RELN: variants seen among roughly 807,000 people sequenced by gnomAD.
RELN encodes the protein reelin.
RELN carries 108 observed loss-of-function variants against 427.6 expected under a neutral mutation model. The ratio of observed to expected loss-of-function variants is 0.25; its 90% confidence interval spans 0.22 to 0.30. The LOEUF is 0.30. Ranked by LOEUF, RELN falls within the 10% of genes least tolerant of loss-of-function variation. The pLI is 1.00. For synonymous variants in RELN, 1,524 were observed against 1,513.4 expected (o/e 1.01, Z -0.16); for missense variants, 3,715 against 4,302.8 (o/e 0.86, Z 3.82).
chr7:103,888,516 C>T (rs1161136478), intron 2 of RELN, among the ~76,000 whole-genome samples: 2 of 152,178 alleles, frequency 1.3e-5, no homozygotes, highest in African/African-American at 2.4e-5. Flanking sequence ...ACTTTTGGCA[C>T]CACCTAATCC....
intron 6 of RELN, among the ~76,000 whole-genome samples, chr7:103,746,276 T>C (rs1347286964): frequency 1.3e-5 from 2 of 152,276 alleles, no homozygotes; most frequent in East Asian, 3.9e-4. Flanking sequence ...TCAAGATGGA[T>C]TAAAGACTTA....
intron 28 of RELN, among the ~76,000 whole-genome samples, chr7:103,587,524 G>C (rs566422778): frequency 1.1e-4 from 17 of 152,162 alleles, no homozygotes; most frequent in Non-Finnish European, 2.1e-4. Context: ...AAACAGACAA[G>C]TGAGACTCTG....
At position 103,484,137 on chromosome 7, in the gene RELN, C is replaced by T. The variant is rs188102018; in HGVS notation, c.9984-287G>A. The T allele has an allele frequency of 7.4e-4, 305 of 413,352 alleles. 1 individual carries two copies. Among genetic ancestry groups the T allele is most frequent in the African/African-American group, 5.6e-3 (275 of 49,494 alleles). 25.6% of individuals were successfully genotyped at this position (413,352 alleles called of 1,614,324 possible). A position where few individuals can be genotyped will look rare whatever the true frequency, so the allele number is the denominator to read the frequency against. On this transcript the variant is annotated intron_variant, in intron 61 of 64. Transcript: ENST00000428762. ...TCAGGTGATCCACCCACCTCGGCCT[C>T]CCAAAGTGCTGGGATTACAGGTGTA...
At chr7:103,870,666 C>G (rs1794309424) in intron 2 of RELN, among the ~76,000 whole-genome samples, 1 of 152,096 alleles carries the variant, frequency 6.6e-6, no homozygotes, top group Non-Finnish European at 1.5e-5. Context: ...CTAACCTAAT[C>G]TTTTCACTTT....
chr7:103,688,752 G>A (rs1204177148), intron 10 of RELN, among the ~76,000 whole-genome samples: 1 of 152,050 alleles, frequency 6.6e-6, no homozygotes, highest in Non-Finnish European at 1.5e-5. Flanking sequence ...GACTTGCCTA[G>A]TGTCCACTGG....
chr7:103,912,285 C>T (rs1478044786), intron 2 of RELN, among the ~76,000 whole-genome samples: 4 of 149,996 alleles, frequency 2.7e-5, no homozygotes, highest in Non-Finnish European at 5.9e-5. Flanking sequence ...AAACCTCCAC[C>T]TCCCGGGTCA....
intron 24 of RELN, among the ~76,000 whole-genome samples, chr7:103,601,815 AT>A (rs1831675850): frequency 6.6e-6 from 1 of 152,198 alleles, no homozygotes; most frequent in Admixed American, 6.5e-5. Flanking sequence ...AGGTTGAGGT[AT>A]TCCAAGAGCA....
chr7:103,815,078 T>C (rs1461171731), intron 3 of RELN, among the ~76,000 whole-genome samples: 3 of 152,226 alleles, frequency 2.0e-5, no homozygotes, highest in Non-Finnish European at 2.9e-5. Context: ...CTTTCAGCTG[T>C]CCAACTGTTA....
At chr7:103,972,549 G>A (rs959218423) in intron 1 of RELN, among the ~76,000 whole-genome samples, 1 of 152,164 alleles carries the variant, frequency 6.6e-6, no homozygotes, top group Non-Finnish European at 1.5e-5. Context: ...ATGGAATGCA[G>A]ATGAAGTATG....
chr7:103,702,313 G>C (rs1010810831), intron 8 of RELN, among the ~76,000 whole-genome samples: 1 of 152,176 alleles, frequency 6.6e-6, no homozygotes, highest in African/African-American at 2.4e-5. Context: ...GATTTAGAAG[G>C]AAAGTTCAAA....
At chr7:103,649,962 C>T (rs1832878723) in intron 16 of RELN, among the ~76,000 whole-genome samples, 1 of 151,924 alleles carries the variant, frequency 6.6e-6, no homozygotes, top group African/African-American at 2.4e-5. Context: ...TTTTATACAA[C>T]ATTCAAAGAA....
Position 103,741,986 on chromosome 7 carries a change from C to T in RELN, c.656+7440G>A, listed in dbSNP as rs118114155. 7.6e-4 allele frequency among the ~76,000 whole-genome samples: 115 copies of T among 152,254 alleles called. No homozygotes were observed. The South Asian group carries it at 0.012, about 16-fold the overall frequency. ...CTGACTCCTCAAGTGGGTCCCTCAC[C>T]ACCGAGGAGCCTAACTGGGAGGCAC... On this transcript the variant is annotated intron_variant, in intron 6 of 64. Coordinates refer to ENST00000428762, the MANE Select transcript of RELN (RefSeq NM_005045.4).
Position 103,758,086 on chromosome 7 carries a change from A to T in RELN, c.545-4872T>A, listed in dbSNP as rs76756916. On this transcript the variant is annotated intron_variant, in intron 4 of 64. Coordinates refer to ENST00000428762, the MANE Select transcript of RELN (RefSeq NM_005045.4). Reference sequence around the variant, plus strand: ...AATTCTGTTAAGAGTTCCCTGTTAGAAAGTGCATGTGAATGTATTTGTGTT... The same window carrying T: ...AATTCTGTTAAGAGTTCCCTGTTAGTAAGTGCATGTGAATGTATTTGTGTT... Among the ~76,000 whole-genome samples the T allele has an allele frequency of 1.6e-4, 25 of 152,314 alleles. No homozygotes were observed. The East Asian group carries it at 4.2e-3, about 26-fold the overall frequency.
intron 3 of RELN, among the ~76,000 whole-genome samples, chr7:103,799,006 G>C: frequency 6.6e-6 from 1 of 152,120 alleles, no homozygotes; most frequent in East Asian, 1.9e-4. Flanking sequence ...AGTTTCTCAA[G>C]CACTGGTTTC....
chr7:103,492,083 T>A, intron 57 of RELN, 57 bp from the exon 58 acceptor site: 1 of 1,332,408 alleles, frequency 7.5e-7, no homozygotes, highest in Non-Finnish European at 1.1e-6. Flanking sequence ...CTGAATTCCA[T>A]TAATTAAAAT....
chr7:103,491,841 CT>C, intron 58 of RELN, 111 bp downstream of exon 58: 1 of 623,122 alleles, frequency 1.6e-6, no homozygotes, highest in African/African-American at 2.5e-5. Context: ...CTCTCTCTCT[CT>C]CTCTCTCTCT....
chr7:103,490,540 A>G, intron 59 of RELN, 128 bp downstream of exon 59: 1 of 975,306 alleles, frequency 1.0e-6, no homozygotes, highest in South Asian at 1.3e-5. Flanking sequence ...AAAGGAGGGA[A>G]GATGGGAGAG....
chr7:103,763,073 T>C (rs560796944), intron 4 of RELN, among the ~76,000 whole-genome samples: 29 of 152,334 alleles, frequency 1.9e-4, no homozygotes, highest in African/African-American at 4.8e-4. Context: ...ACAGACTGTA[T>C]AGAAGTTTCT....
chr7:103,845,476 C>T (rs753376759), intron 2 of RELN, among the ~76,000 whole-genome samples: 4 of 152,190 alleles, frequency 2.6e-5, no homozygotes, highest in Non-Finnish European at 5.9e-5. Flanking sequence ...CCAAGGCACC[C>T]GACCCACTCT....
Sources: gnomAD v4.1 joint callset for allele counts (sites outside exome capture counted in the v4.1 genomes callset) on GRCh38, gnomAD v4.1.1 for gene constraint, MANE v1.5 for transcripts, NCBI Gene and HGNC (gene_info 2026-07-23, HGNC 2026-07-21) for gene names.